The following SLC26A7 variants were observed in gnomAD, a reference collection of about 807,000 sequenced individuals.
SLC26A7 encodes solute carrier family 26 member 7, also known as anion exchange transporter.
SLC26A7 carries 59 observed loss-of-function variants against 82.5 expected under a neutral mutation model. The ratio of observed to expected loss-of-function variants is 0.72; its 90% CI spans 0.58 to 0.89. The LOEUF is 0.89. Among genes scored for constraint, SLC26A7 ranks in the 40% least tolerant of loss-of-function variants. The probability of loss-of-function intolerance (pLI) is 0.00; values close to 1 mark genes in which losing one functional copy is unlikely to be tolerated. For synonymous variants in SLC26A7, 271 were observed against 274.3 expected, an observed-to-expected ratio of 0.99 and a Z score of 0.12; for missense variants, 820 against 793.0, an observed-to-expected ratio of 1.03 and a Z score of -0.41.
At chr8:91,239,861 A>G (rs1810450701) in intron 2 of SLC26A7, among the ~76,000 whole-genome samples, 1 of 152,236 alleles carries the variant, frequency 6.6e-6, no homozygotes, top group Non-Finnish European at 1.5e-5. Context: ...TTCAAATTGA[A>G]TAATGGTGGG....
intron 2 of SLC26A7, among the ~76,000 whole-genome samples, chr8:91,281,875 C>G (rs1245182898): frequency 2.0e-5 from 3 of 152,112 alleles, no homozygotes; most frequent in African/African-American, 4.8e-5. Context: ...ATTAAGCATA[C>G]CTTTTCAGCT....
intron 2 of SLC26A7, among the ~76,000 whole-genome samples, chr8:91,281,006 C>T (rs1811557041): frequency 1.3e-5 from 2 of 152,118 alleles, no homozygotes; most frequent in African/African-American, 4.8e-5. Context: ...TTCTGTATAA[C>T]TTCTGTAGTT....
intron 7 of SLC26A7, 141 bp downstream of exon 7, chr8:91,338,373 T>C (rs1586427642): frequency 1.9e-6 from 1 of 532,370 alleles, no homozygotes; most frequent in East Asian, 3.3e-5. Flanking sequence ...AAATACACAC[T>C]TCATGTGTAG....
chr8:91,319,270 C>T (rs1020923000), intron 5 of SLC26A7, among the ~76,000 whole-genome samples: 1 of 152,030 alleles, frequency 6.6e-6, no homozygotes, highest in Non-Finnish European at 1.5e-5. Flanking sequence ...AGGATAAGTT[C>T]CTATGATAGA....
chr8:91,298,161 G>A (rs925767429), intron 4 of SLC26A7, among the ~76,000 whole-genome samples: 4 of 151,924 alleles, frequency 2.6e-5, no homozygotes, highest in African/African-American at 9.7e-5. Flanking sequence ...ACATAATAAG[G>A]GCTCCATGAC....
intron 4 of SLC26A7, among the ~76,000 whole-genome samples, chr8:91,308,253 G>A (rs1386676458): frequency 2.7e-5 from 4 of 150,174 alleles, no homozygotes; most frequent in African/African-American, 9.8e-5. Context: ...AGAGGTGTGT[G>A]TGTGTGTGTG....
At chr8:91,372,833 G>A (rs1412456577) in intron 15 of SLC26A7, among the ~76,000 whole-genome samples, 2 of 151,768 alleles carry the variant, frequency 1.3e-5, no homozygotes, top group Non-Finnish European at 1.5e-5. Context: ...TAATTTTAAT[G>A]ACATGGATTC....
intron 6 of SLC26A7, among the ~76,000 whole-genome samples, chr8:91,335,406 T>C (rs554437718): frequency 1.3e-5 from 2 of 152,174 alleles, no homozygotes; most frequent in Admixed American, 6.6e-5. Context: ...ATAATATGTA[T>C]GTGTGTATAT....
At chr8:91,360,339 A>G (rs1490578513) in intron 11 of SLC26A7, among the ~76,000 whole-genome samples, 1 of 152,196 alleles carries the variant, frequency 6.6e-6, no homozygotes, top group Non-Finnish European at 1.5e-5. Flanking sequence ...CCAAATAGGA[A>G]GAGAGCAAGT....
At chr8:91,262,260 C>T (rs1220624220) in intron 2 of SLC26A7, among the ~76,000 whole-genome samples, 1 of 152,012 alleles carries the variant, frequency 6.6e-6, no homozygotes, top group East Asian at 1.9e-4. Flanking sequence ...ACTTGAATGT[C>T]AACCTGTAGG....
chr8:91,389,504 CCTT>C, intron 16 of SLC26A7, 66 bp downstream of exon 16: 1 of 1,094,810 alleles, frequency 9.1e-7, no homozygotes, highest in South Asian at 1.3e-5. Context: ...GTTTTCACCA[CCTT>C]CTCTCCATAG....
At position 91,272,344 on chromosome 8, in the gene SLC26A7, T is replaced by C. The variant is rs1811295047; in HGVS notation, c.194-16792T>C. 1.3e-5 allele frequency among the ~76,000 whole-genome samples: 2 copies of C among 152,222 alleles called. 1 individual carries two copies. Among genetic ancestry groups the C allele is most frequent in the Admixed American group, 1.3e-4 (2 of 15,288 alleles). The stretch of plus-strand genomic sequence containing the variant: ...ACTGATAAATTGAAGTAATTCTTAG[T>C]ATAATATTCCTTAATAATAGATGTT... On this transcript the variant is annotated intron_variant, in intron 2 of 18. Coordinates refer to ENST00000276609, the MANE Select transcript of SLC26A7 (RefSeq NM_052832.4).
At position 91,295,723 on chromosome 8, in the gene SLC26A7, G is replaced by C; in HGVS notation, c.477+20G>C. On this transcript the variant is annotated intron_variant, in intron 4 of 18. Coordinates refer to ENST00000276609, the MANE Select transcript of SLC26A7 (RefSeq NM_052832.4). ...ATTCAGGTAAGTGATACTGACACTT[G>C]AGCACAAAGAAAGGGACACAGCGGC... 6.2e-7 allele frequency: 1 copy of C among 1,610,428 alleles called. No individual in the cohort carries two copies. Among genetic ancestry groups the C allele is most frequent in the Non-Finnish European group, 8.5e-7 (1 of 1,178,008 alleles).
chr8:91,273,245 A>G (rs184650835), intron 2 of SLC26A7, among the ~76,000 whole-genome samples: 98 of 152,330 alleles, frequency 6.4e-4, no homozygotes, highest in African/African-American at 2.1e-3. Flanking sequence ...TATTTGTTAT[A>G]TAAGTGCCTA....
At chr8:91,222,695 G>C (rs1039538980) in intron 2 of SLC26A7, among the ~76,000 whole-genome samples, 3 of 152,140 alleles carry the variant, frequency 2.0e-5, no homozygotes, top group African/African-American at 4.8e-5. Context: ...TTGCATCCCA[G>C]GAATGAAGCT....
intron 2 of SLC26A7, among the ~76,000 whole-genome samples, chr8:91,272,341 T>C (rs183256809): frequency 5.3e-5 from 8 of 152,352 alleles, no homozygotes; most frequent in East Asian, 1.9e-4. Flanking sequence ...AAGTAATTCT[T>C]AGTATAATAT....
Position 91,371,467 on chromosome 8 carries a change from C to A in SLC26A7, c.1675+1634C>A, listed in dbSNP as rs112211581. 2.0e-3 allele frequency among the ~76,000 whole-genome samples: 301 copies of A among 151,878 alleles called. 1 individual carries two copies. The highest frequency in any genetic ancestry group is 7.0e-3 in the African/African-American group (291 of 41,496). On this transcript the variant is annotated intron_variant, in intron 15 of 18. Coordinates refer to ENST00000276609, the MANE Select transcript of SLC26A7 (RefSeq NM_052832.4). Reference sequence around the variant, plus strand: ...TCCATGTGTACTTATTGCTTAGCTCCCACTTATAAGTGAGAACATCTGGTA... The same window carrying A: ...TCCATGTGTACTTATTGCTTAGCTCACACTTATAAGTGAGAACATCTGGTA...
At chr8:91,300,255 A>G (rs1812125923) in intron 4 of SLC26A7, among the ~76,000 whole-genome samples, 1 of 151,958 alleles carries the variant, frequency 6.6e-6, no homozygotes, top group South Asian at 2.1e-4. Flanking sequence ...TTATAAGTGG[A>G]GTTTTCTTTA....
chr8:91,334,224 G>A, intron 5 of SLC26A7, 71 bp from the exon 6 acceptor site: 1 of 1,369,774 alleles, frequency 7.3e-7, no homozygotes, highest in Non-Finnish European at 1.0e-6. Flanking sequence ...GAGTTTATTG[G>A]GGCCATATTT....
Sources: gnomAD v4.1 joint callset for allele counts (sites outside exome capture counted in the v4.1 genomes callset) on GRCh38, gnomAD v4.1.1 for gene constraint, MANE v1.5 for transcripts, NCBI Gene and HGNC (gene_info 2026-07-23, HGNC 2026-07-21) for gene names.